The following DUSP22 variants were observed in gnomAD, a reference collection of about 807,000 sequenced individuals.
DUSP22 encodes dual specificity phosphatase 22, also known as dual specificity protein phosphatase 22.
Under a neutral mutation model 24.5 loss-of-function variants are expected in DUSP22, and 24 were observed. The ratio of observed to expected loss-of-function variants is 0.98; its 90% CI spans 0.71 to 1.38. The LOEUF (loss-of-function observed/expected upper bound fraction) is 1.38, where lower values mean the gene tolerates loss of function less well. Ranked by LOEUF, DUSP22 falls within the 40% of genes most tolerant of loss-of-function variation. The pLI, the probability that DUSP22 is intolerant of heterozygous loss-of-function variation, is 0.00. For synonymous variants in DUSP22, 160 were observed against 106.4 expected (o/e 1.50, Z -3.10); for missense variants, 330 against 269.2 (o/e 1.23, Z -1.58).
rs1230381856 is a variant in DUSP22, at chr6:292,549, G to A, written c.10G>A (p.Gly4Arg). Residue 4 changes from glycine to arginine, a missense_variant, in exon 1 of 7, where the codon GGG becomes AGG. Coordinates refer to ENST00000419235, the MANE Select transcript of DUSP22 (RefSeq NM_001286555.3). MGNGMNKILPGLYI... is the reference protein window; with the variant it reads MGNRMNKILPGLYI... ...TTCGCCTTCAGCCACCATGGGGAAT[G>A]GGATGAACAAGGTAACGTCTTCCCT... The A allele has an allele frequency of 2.5e-6, 4 of 1,605,042 alleles. No homozygotes were observed. In the Admixed American group the frequency reaches 5.1e-5, roughly 20 times the overall value.
At chr6:339,929 C>T (rs1759527231) in intron 4 of DUSP22, among the ~76,000 whole-genome samples, 1 of 152,302 alleles carries the variant, frequency 6.6e-6, no homozygotes, top group Admixed American at 6.5e-5. Flanking sequence ...CAGACAGTTC[C>T]TGAGGGCTCT....
At position 350,477 on chromosome 6, in the gene DUSP22, TAAG is replaced by T; in HGVS notation, c.*1531_*1533del. The T allele has an allele frequency of 1.7e-6, 2 of 1,177,672 alleles. No individual in the cohort carries two copies. Among genetic ancestry groups the T allele is most frequent in the Non-Finnish European group, 2.1e-6 (2 of 948,820 alleles). The allele number at this position is 1,177,672 out of a possible 1,614,324, so 73.0% of individuals were successfully genotyped here. On this transcript the variant is annotated 3_prime_UTR_variant, in exon 7 of 7. Coordinates refer to ENST00000419235, the MANE Select transcript of DUSP22 (RefSeq NM_001286555.3). ...TTCCACCACAAAAAGAGACCCTGAA[TAAG>T]AAGAGCAGTTTTCCTGTGCATATAG...
intron 2 of DUSP22, among the ~76,000 whole-genome samples, chr6:305,425 C>A (rs936442611): frequency 1.3e-4 from 20 of 152,300 alleles, no homozygotes; most frequent in African/African-American, 4.3e-4. Context: ...TTACAACTTT[C>A]ATTTTTTAGT....
In DUSP22 at chr6:350,472, C is replaced by T; in HGVS notation, c.*1521C>T. ...CTGAATTCCACCACAAAAAGAGACCCTGAATAAGAAGAGCAGTTTTCCTGT... is the reference window on the plus strand; with the variant it reads ...CTGAATTCCACCACAAAAAGAGACCTTGAATAAGAAGAGCAGTTTTCCTGT... On this transcript the variant is annotated 3_prime_UTR_variant, in exon 7 of 7. Coordinates refer to ENST00000419235, the MANE Select transcript of DUSP22 (RefSeq NM_001286555.3). 8.6e-7 allele frequency: 1 copy of T among 1,166,158 alleles called. No homozygotes were observed. Among genetic ancestry groups the T allele is most frequent in the East Asian group, 5.6e-5 (1 of 17,956 alleles). 72.2% of individuals were successfully genotyped at this position (1,166,158 alleles called of 1,614,324 possible). A position where few individuals can be genotyped will look rare whatever the true frequency, so the allele number is the denominator to read the frequency against.
Position 342,568 on chromosome 6 carries a change from G to A in DUSP22, c.189-3286G>A. 2.6e-5 allele frequency among the ~76,000 whole-genome samples: 4 copies of A among 152,424 alleles called. No homozygotes were observed. The Middle Eastern group carries it at 0.01, about 389-fold the overall frequency. On this transcript the variant is annotated intron_variant, in intron 4 of 6. Transcript: ENST00000419235. ...TTCTGGGCCAGATGAGTTGGCTCAA[G>A]GTTTCAAACATTTTTGAACTAGTTG...
chr6:349,215 G>A lies in DUSP22; in HGVS notation c.*264G>A. The A allele has an allele frequency of 7.2e-7, 1 of 1,394,318 alleles. No homozygotes were observed. Among genetic ancestry groups the A allele is most frequent in the South Asian group, 1.6e-5 (1 of 63,828 alleles). 86.4% of individuals were successfully genotyped at this position (1,394,318 alleles called of 1,614,324 possible). On this transcript the variant is annotated 3_prime_UTR_variant, in exon 7 of 7. Coordinates refer to ENST00000419235, the MANE Select transcript of DUSP22 (RefSeq NM_001286555.3). The stretch of plus-strand genomic sequence containing the variant: ...CACTGCTCTGTGCACGTGCGTGTGT[G>A]TGAGTGCACTTGTGTGTGGGTGACT...
chr6:344,303 T>C (rs186905916), intron 4 of DUSP22, among the ~76,000 whole-genome samples: 46 of 152,230 alleles, frequency 3.0e-4, no homozygotes, highest in African/African-American at 9.7e-4. Flanking sequence ...GTTTATTTAT[T>C]GAGACAGGGT....
intron 4 of DUSP22, among the ~76,000 whole-genome samples, chr6:343,177 T>A (rs1446646301): frequency 1.3e-5 from 2 of 152,310 alleles, no homozygotes; most frequent in Non-Finnish European, 2.9e-5. Context: ...TTATTACATC[T>A]GGGTGCAGGT....
intron 3 of DUSP22, among the ~76,000 whole-genome samples, chr6:331,602 T>C (rs1377719299): frequency 6.6e-6 from 1 of 152,308 alleles, no homozygotes; most frequent in Admixed American, 6.5e-5. Context: ...AACTTATTCA[T>C]TAGTACTAGG....
intron 1 of DUSP22, among the ~76,000 whole-genome samples, chr6:303,474 C>T (rs3778594): frequency 0.14 from 21,095 of 146,398 alleles, 87 homozygotes; most frequent in East Asian, 0.35. Flanking sequence ...GCGAGGCAGC[C>T]GGTGGTCAGG....
At chr6:343,454 G>GC (rs60779617) in intron 4 of DUSP22, among the ~76,000 whole-genome samples, 80 of 151,980 alleles carry the variant, frequency 5.3e-4, no homozygotes, top group East Asian at 1.9e-4. Flanking sequence ...CGCTGCTGTG[G>GC]CCCCCCAAGG....
intron 1 of DUSP22, among the ~76,000 whole-genome samples, chr6:293,797 CTTTTTTTTT>C (rs11436850): frequency 8.1e-6 from 1 of 123,686 alleles, no homozygotes; most frequent in African/African-American, 3.0e-5. Context: ...ATTGTATTCA[CTTTTTTTTT>C]TTTTTTTTTT....
chr6:305,924 A>G (rs1757797273), intron 2 of DUSP22, among the ~76,000 whole-genome samples: 1 of 152,308 alleles, frequency 6.6e-6, no homozygotes, highest in Non-Finnish European at 1.5e-5. Context: ...TGATTGTACA[A>G]ATAATCTTTA....
chr6:338,903 T>C (rs549323606), intron 4 of DUSP22, among the ~76,000 whole-genome samples: 1 of 152,310 alleles, frequency 6.6e-6, no homozygotes, highest in South Asian at 2.1e-4. Context: ...TGCTGCAGAC[T>C]GCCCGGAAAG....
intron 4 of DUSP22, among the ~76,000 whole-genome samples, chr6:341,182 T>C (rs994977687): frequency 1.3e-5 from 2 of 152,306 alleles, no homozygotes; most frequent in African/African-American, 4.8e-5. Flanking sequence ...AACGCAAGCG[T>C]GGTCCGGTCC....
At chr6:344,355 G>A (rs962286772) in intron 4 of DUSP22, among the ~76,000 whole-genome samples, 4 of 152,294 alleles carry the variant, frequency 2.6e-5, no homozygotes, top group Non-Finnish European at 5.9e-5. Context: ...GCATGATCTC[G>A]GCTCACTGCA....
chr6:293,874 T>A (rs1329773679), intron 1 of DUSP22, among the ~76,000 whole-genome samples: 1 of 152,150 alleles, frequency 6.6e-6, no homozygotes, highest in Non-Finnish European at 1.5e-5. Flanking sequence ...ATACTTGTAT[T>A]ATATTCCGAT....
At chr6:332,927 A>G (rs1215421555) in intron 3 of DUSP22, among the ~76,000 whole-genome samples, 1 of 152,292 alleles carries the variant, frequency 6.6e-6, no homozygotes, top group Non-Finnish European at 1.5e-5. Flanking sequence ...TCGACTGCCA[A>G]CTCTCACTTA....
chr6:321,049 G>A (rs1479019895), intron 3 of DUSP22, among the ~76,000 whole-genome samples: 1 of 152,296 alleles, frequency 6.6e-6, no homozygotes, highest in Admixed American at 6.5e-5. Flanking sequence ...AACACTGCAG[G>A]GCAGACAAGA....
Sources: gnomAD v4.1 joint callset for allele counts (sites outside exome capture counted in the v4.1 genomes callset) on GRCh38, gnomAD v4.1.1 for gene constraint, MANE v1.5 for transcripts, NCBI Gene and HGNC (gene_info 2026-07-23, HGNC 2026-07-21) for gene names.